Variants in GATA4 observed in about 807,000 individuals in gnomAD.
GATA4 encodes the protein transcription factor GATA-4.
Under a neutral mutation model 37.9 loss-of-function variants are expected in GATA4, and 7 were observed. The observed-to-expected ratio is 0.18, with a 90% CI of 0.11 to 0.35. GATA4 has a LOEUF of 0.35. GATA4 is among the 10% of genes least tolerant of loss of function. The pLI, the probability that GATA4 is intolerant of heterozygous loss-of-function variation, is 1.00. For missense variants in GATA4, 647 were observed against 653.0 expected (o/e 0.99, Z 0.10); for synonymous variants, 372 against 292.6 (o/e 1.27, Z -2.77).
rs1313868508 is a variant in GATA4, at chr8:11,707,070, G to T, written c.-457-786G>T. Among the ~76,000 whole-genome samples the T allele has an allele frequency of 6.6e-6, 1 of 152,180 alleles. No homozygotes were observed. The highest frequency in any genetic ancestry group is 1.5e-5 in the Non-Finnish European group (1 of 68,026). On this transcript the variant is annotated intron_variant, in intron 1 of 6. Transcript: ENST00000532059. The surrounding 1 kb of genome is among the most constrained non-coding windows in gnomAD (Gnocchi z 4.7). ...GGGTGGATTTATTATTCTATATGAA[G>T]AACCCATTCAGTGAATTAGAATGGT...
chr8:11,693,155 C>T (rs1240152315), intron 1 of GATA4: 1 of 882,252 alleles, frequency 1.1e-6, no homozygotes, highest in Non-Finnish European at 1.4e-6. Flanking sequence ...TCCTAAAGAG[C>T]TGTAAGGAAG....
rs1802729255 is a variant in GATA4, at chr8:11,758,615, C to G, written c.*140C>G. On this transcript the variant is annotated 3_prime_UTR_variant, in exon 7 of 7. Coordinates refer to ENST00000532059, the MANE Select transcript of GATA4 (RefSeq NM_001308093.3). ...CAACAACTGGGAAGAAACTTGAAGT[C>G]GACAATCTGGTTAGGGGAAGCGGGT... The G allele has an allele frequency of 6.0e-6, 5 of 831,868 alleles. No homozygotes were observed. The highest frequency in any genetic ancestry group is 1.0e-5 in the Non-Finnish European group (5 of 498,416). 51.5% of individuals were successfully genotyped at this position (831,868 alleles called of 1,614,324 possible).
intron 1 of GATA4, chr8:11,683,197 A>T: frequency 1.1e-6 from 1 of 897,392 alleles, no homozygotes; most frequent in South Asian, 5.1e-5. Flanking sequence ...GGAACAATCC[A>T]TTAGACCTCA....
chr8:11,716,490 G>C (rs909615488), intron 2 of GATA4, among the ~76,000 whole-genome samples: 3 of 152,172 alleles, frequency 2.0e-5, no homozygotes, highest in African/African-American at 7.2e-5. Flanking sequence ...ACCATCCTCA[G>C]TGGCAATCCT....
Position 11,693,554 on chromosome 8 carries a change from C to CAGAGAGAG in GATA4, c.-729+895_-729+896insGAGAGAGA, listed in dbSNP as rs1447123508. Among the ~76,000 whole-genome samples, 244 of 113,236 alleles carry CAGAGAGAG rather than the reference C, an allele frequency of 2.2e-3. 1 individual carries two copies. Among genetic ancestry groups the CAGAGAGAG allele is most frequent in the African/African-American group, 8.8e-3 (236 of 26,874 alleles). 74.3% of individuals were successfully genotyped at this position (113,236 alleles called of 152,430 possible). ...ACACACACACACACACACACACACA[C>CAGAGAGAG]ACACACACAGAGAGAGAGAGAGAGA... On this transcript the variant is annotated intron_variant, in intron 1 of 2. Coordinates refer to the GATA4 transcript ENST00000526974.
chr8:11,694,087 C>T (rs983720239), intron 1 of GATA4, among the ~76,000 whole-genome samples: 1 of 152,176 alleles, frequency 6.6e-6, no homozygotes, highest in Non-Finnish European at 1.5e-5. Flanking sequence ...CCTTCCTGCT[C>T]GTGTCTGCCA....
chr8:11,735,269 G>A (rs1287537531), intron 2 of GATA4, among the ~76,000 whole-genome samples: 5 of 152,176 alleles, frequency 3.3e-5, no homozygotes, highest in Admixed American at 2.6e-4. Flanking sequence ...AAATTGCAAA[G>A]CAATGCTTAT....
intron 1 of GATA4, among the ~76,000 whole-genome samples, chr8:11,693,341 G>A (rs767973232): frequency 6.6e-6 from 1 of 152,076 alleles, no homozygotes; most frequent in Non-Finnish European, 1.5e-5. Context: ...GCGCGCGCCT[G>A]TGGTCCTGCT....
chr8:11,681,489 T>C, intron 1 of GATA4: 1 of 708,552 alleles, frequency 1.4e-6, no homozygotes, highest in Non-Finnish European at 1.5e-6. Flanking sequence ...GGTGCGGCGC[T>C]CGCGGGGGGG....
intron 1 of GATA4, among the ~76,000 whole-genome samples, chr8:11,684,749 CTTGT>C: frequency 6.6e-6 from 1 of 152,274 alleles, no homozygotes; most frequent in Middle Eastern, 3.4e-3. Flanking sequence ...TAATGTTCTC[CTTGT>C]TTTTGTTTGG....
chr8:11,708,310 AC>A lies in GATA4; in HGVS notation c.-1del. The A allele has an allele frequency of 1.9e-6, 3 of 1,583,244 alleles. No individual in the cohort carries two copies. The highest frequency in any genetic ancestry group is 1.7e-5 in the Admixed American group (1 of 58,164). On this transcript the variant is annotated 5_prime_UTR_variant, in exon 2 of 7. Transcript: ENST00000532059. The surrounding 1 kb of genome is among the most constrained non-coding windows in gnomAD (Gnocchi z 6.7). ...ACACCGAAGCCGGGAGCTCGCAGGG[AC>A]CATGTATCAGAGCTTGGCCATGGCC... is the stretch of plus-strand genomic sequence containing the variant.
At chr8:11,711,290 T>C (rs1800171482) in intron 2 of GATA4, among the ~76,000 whole-genome samples, 1 of 152,218 alleles carries the variant, frequency 6.6e-6, no homozygotes, top group Non-Finnish European at 1.5e-5. Flanking sequence ...CTCTGGGCTC[T>C]TCCCGGATAG....
intron 2 of GATA4, among the ~76,000 whole-genome samples, chr8:11,736,195 A>G (rs1801444739): frequency 6.6e-6 from 1 of 152,238 alleles, no homozygotes; most frequent in Non-Finnish European, 1.5e-5. Context: ...CAGAGCCACC[A>G]TGCCTGGCCT....
chr8:11,700,276 G>T (rs577254895), upstream of GATA4, among the ~76,000 whole-genome samples: 2 of 152,232 alleles, frequency 1.3e-5, no homozygotes, highest in African/African-American at 4.8e-5. Context: ...AGATGTATTC[G>T]CTTTGCAACC....
In GATA4 at chr8:11,758,891, T is replaced by A. The variant is rs931612238; in HGVS notation, c.*416T>A. Reference sequence around the variant, plus strand: ...CGAATGACGGCATCTGTTTGCCATGTACCTGGATGCGACGGGCCCCTGGGG... The same window carrying A: ...CGAATGACGGCATCTGTTTGCCATGAACCTGGATGCGACGGGCCCCTGGGG... On this transcript the variant is annotated 3_prime_UTR_variant, in exon 7 of 7. Transcript: ENST00000532059. The A allele has an allele frequency of 9.3e-6, 3 of 321,208 alleles. No individual in the cohort carries two copies. Among genetic ancestry groups the A allele is most frequent in the Non-Finnish European group, 1.8e-5 (3 of 164,356 alleles). The allele number at this position is 321,208 out of a possible 1,614,324, so 19.9% of individuals were successfully genotyped here.
At chr8:11,712,867 A>G (rs778790676) in intron 2 of GATA4, among the ~76,000 whole-genome samples, 1 of 152,138 alleles carries the variant, frequency 6.6e-6, no homozygotes, top group African/African-American at 2.4e-5. Context: ...GTCTCAAAAA[A>G]AGAAAAAGAA....
chr8:11,744,903 C>A (rs973090821), intron 2 of GATA4, among the ~76,000 whole-genome samples: 1 of 152,106 alleles, frequency 6.6e-6, no homozygotes, highest in African/African-American at 2.4e-5. Flanking sequence ...CCATGAGTCC[C>A]CCACTCTGCT....
chr8:11,748,425 G>A (rs1802134033), intron 2 of GATA4, among the ~76,000 whole-genome samples: 1 of 152,086 alleles, frequency 6.6e-6, no homozygotes, highest in Non-Finnish European at 1.5e-5. Context: ...GTCTTACAAA[G>A]GATACAATAG....
chr8:11,694,657 T>G lies in GATA4; in HGVS notation c.-729+1997T>G, dbSNP rs565527833. On this transcript the variant is annotated intron_variant, in intron 1 of 2. Coordinates refer to the GATA4 transcript ENST00000526974. ...TGTTTTGTTTTTGTTCATGGTGTTGTTTTCTTAGTGTTGGTGGTGTTGGAT... is the reference window on the plus strand; with the variant it reads ...TGTTTTGTTTTTGTTCATGGTGTTGGTTTCTTAGTGTTGGTGGTGTTGGAT... The G allele has an allele frequency of 3.3e-5, 11 of 330,930 alleles. No individual in the cohort carries two copies. In the East Asian group the frequency reaches 1.7e-3, roughly 51 times the overall value. The allele number at this position is 330,930 out of a possible 1,614,324, so 20.5% of individuals were successfully genotyped here. A position where few individuals can be genotyped will look rare whatever the true frequency, so the allele number is the denominator to read the frequency against.
Sources: gnomAD v4.1 joint callset for allele counts (sites outside exome capture counted in the v4.1 genomes callset) on GRCh38, gnomAD v4.1.1 for gene constraint, Gnocchi (gnomAD v3.1) non-coding constraint, MANE v1.5 for transcripts, NCBI Gene and HGNC (gene_info 2026-07-23, HGNC 2026-07-21) for gene names.